Variants in SLX4IP observed in about 807,000 individuals in gnomAD.
The protein encoded by SLX4IP is protein SLX4IP.
SLX4IP carries 34 observed loss-of-function variants against 32.9 expected under a neutral mutation model. The ratio of observed to expected loss-of-function variants is 1.03; its 90% CI spans 0.79 to 1.38. SLX4IP has a LOEUF of 1.38. Among genes scored for constraint, SLX4IP ranks in the 40% most tolerant of loss-of-function variants. The pLI, the probability that SLX4IP is intolerant of heterozygous loss-of-function variation, is 0.00. For synonymous variants in SLX4IP, 172 were observed against 171.7 expected, an observed-to-expected ratio of 1.00 and a Z score of -0.01; for missense variants, 444 against 479.0, an observed-to-expected ratio of 0.93 and a Z score of 0.68.
At chr20:10,540,096 T>TTCCTTTCCTTCCTTCCTTTCCTTCC (rs1380282080) in intron 2 of SLX4IP, among the ~76,000 whole-genome samples, 5 of 111,750 alleles carry the variant, frequency 4.5e-5, no homozygotes, top group African/African-American at 1.6e-4. Context: ...CCTTCCTTCC[T>TTCCTTTCCTTCCTTCCTTTCCTTCC]TTCCTTCCTT....
intron 6 of SLX4IP, among the ~76,000 whole-genome samples, chr20:10,608,959 A>C (rs1029335165): frequency 1.6e-5 from 2 of 121,274 alleles, no homozygotes; most frequent in Middle Eastern, 3.6e-3. Flanking sequence ...AAACTAAAGT[A>C]CCAAAGAGTT....
intron 4 of SLX4IP, among the ~76,000 whole-genome samples, chr20:10,597,570 A>T (rs564954412): frequency 6.6e-6 from 1 of 152,282 alleles, no homozygotes; most frequent in East Asian, 1.9e-4. Context: ...TATGTTTGTG[A>T]GATGTATTTC....
At chr20:10,436,364 CTT>C (rs56204408) in intron 1 of SLX4IP, among the ~76,000 whole-genome samples, 10 of 149,618 alleles carry the variant, frequency 6.7e-5, no homozygotes, top group Non-Finnish European at 7.4e-5. Context: ...TTCTTTCTTT[CTT>C]TTTTTTTTTA....
At chr20:10,544,273 G>A (rs918104556) in intron 2 of SLX4IP, among the ~76,000 whole-genome samples, 1 of 151,926 alleles carries the variant, frequency 6.6e-6, no homozygotes, top group Non-Finnish European at 1.5e-5. Flanking sequence ...TTTTCCCTTT[G>A]GATTTTCATC....
Position 10,623,354 on chromosome 20 carries a change from G to C in SLX4IP, c.1202G>C (p.Arg401Thr), listed in dbSNP as rs775907731. ...ATTCAGAACAGCCCAACCAAGAAAA[G>C]AAAGAAATACGAAAGAGGCCATTAA... is the stretch of plus-strand genomic sequence containing the variant. ...STIQNSPTKK[R>T]KKYERGH Residue 401 changes from arginine to threonine, a missense_variant, in exon 8 of 8, where the codon AGA becomes ACA. By Grantham distance (71) the Arg-to-Thr change is moderately conservative. Transcript: ENST00000334534. 6.2e-7 allele frequency: 1 copy of C among 1,611,496 alleles called. No individual in the cohort carries two copies. The highest frequency in any genetic ancestry group is 1.7e-5 in the Admixed American group (1 of 59,440).
chr20:10,577,174 G>A (rs2066532274), intron 4 of SLX4IP, among the ~76,000 whole-genome samples: 1 of 152,092 alleles, frequency 6.6e-6, no homozygotes, highest in South Asian at 2.1e-4. Flanking sequence ...AAGGTAGTGT[G>A]AACTTCTAGA....
At chr20:10,606,353 A>G (rs1296898191) in intron 6 of SLX4IP, among the ~76,000 whole-genome samples, 1 of 152,256 alleles carries the variant, frequency 6.6e-6, no homozygotes, top group African/African-American at 2.4e-5. Flanking sequence ...TAACTTTTGC[A>G]TAAGTATAAA....
intron 2 of SLX4IP, among the ~76,000 whole-genome samples, chr20:10,466,789 G>A (rs943483652): frequency 7.3e-5 from 11 of 151,490 alleles, no homozygotes; most frequent in African/African-American, 2.7e-4. Flanking sequence ...AGCTTGAGTC[G>A]TTTTCTGAAT....
chr20:10,576,726 T>G (rs189599444), intron 4 of SLX4IP, among the ~76,000 whole-genome samples: 213 of 152,212 alleles, frequency 1.4e-3, no homozygotes, highest in Non-Finnish European at 2.2e-3. Flanking sequence ...ATTTGTGTGT[T>G]TGTGTGTGTG....
chr20:10,463,575 A>C (rs760981446), intron 2 of SLX4IP, among the ~76,000 whole-genome samples: 33 of 152,244 alleles, frequency 2.2e-4, no homozygotes, highest in Non-Finnish European at 4.4e-4. Flanking sequence ...AGATTTCTTC[A>C]ACAAAAAATG....
At chr20:10,500,130 C>CTT (rs34751503) in intron 2 of SLX4IP, among the ~76,000 whole-genome samples, 19,536 of 90,070 alleles carry the variant, frequency 0.22, 3,658 homozygotes, top group Non-Finnish European at 0.26. Context: ...TGTCAAAATT[C>CTT]TTTTTTTTTT....
At chr20:10,517,912 T>G (rs943642541) in intron 2 of SLX4IP, among the ~76,000 whole-genome samples, 2 of 152,204 alleles carry the variant, frequency 1.3e-5, no homozygotes, top group African/African-American at 4.8e-5. Flanking sequence ...TTTATGTTTT[T>G]AAGGTGAAAT....
chr20:10,454,043 C>T (rs1363075595), intron 1 of SLX4IP, among the ~76,000 whole-genome samples: 1 of 152,148 alleles, frequency 6.6e-6, no homozygotes, highest in Non-Finnish European at 1.5e-5. Context: ...TATCTGCAAT[C>T]TCCCTAATGA....
intron 1 of SLX4IP, among the ~76,000 whole-genome samples, chr20:10,444,851 T>G (rs1222962836): frequency 6.6e-6 from 1 of 152,112 alleles, no homozygotes; most frequent in East Asian, 1.9e-4. Flanking sequence ...ACTATTACAC[T>G]GGGCATTAGG....
intron 2 of SLX4IP, among the ~76,000 whole-genome samples, chr20:10,518,471 T>C (rs532300084): frequency 0.26 from 19,467 of 74,778 alleles, 3,237 homozygotes; most frequent in South Asian, 0.44. Context: ...TCCTTTCCTT[T>C]CTTTTCCTTT....
At chr20:10,548,620 T>C (rs946096161) in intron 2 of SLX4IP, among the ~76,000 whole-genome samples, 2 of 152,188 alleles carry the variant, frequency 1.3e-5, no homozygotes, top group African/African-American at 4.8e-5. Flanking sequence ...GTGTTCCTTG[T>C]ACCCCACCTG....
At chr20:10,566,045 G>A (rs746703891) in intron 4 of SLX4IP, among the ~76,000 whole-genome samples, 7 of 152,178 alleles carry the variant, frequency 4.6e-5, no homozygotes, top group Non-Finnish European at 8.8e-5. Flanking sequence ...GGACAGTGAG[G>A]TAGGTAGATG....
intron 2 of SLX4IP, among the ~76,000 whole-genome samples, chr20:10,470,153 G>A (rs1439008851): frequency 6.6e-6 from 1 of 152,194 alleles, no homozygotes; most frequent in Admixed American, 6.5e-5. Context: ...GGCCAGTCGA[G>A]TCTGGAAAGA....
chr20:10,592,251 C>A (rs1241651148), intron 4 of SLX4IP, among the ~76,000 whole-genome samples: 2 of 152,054 alleles, frequency 1.3e-5, no homozygotes, highest in Non-Finnish European at 2.9e-5. Flanking sequence ...ATTTGTTTCC[C>A]AGTTGTGGTC....
Sources: allele counts gnomAD v4.1 joint callset (sites outside exome capture counted in the v4.1 genomes callset), GRCh38; gene constraint gnomAD v4.1.1; transcripts MANE v1.5; gene names NCBI Gene and HGNC (gene_info 2026-07-23, HGNC 2026-07-21).